The following YWHAG variants were observed in gnomAD, a reference collection of about 807,000 sequenced individuals.
The protein encoded by YWHAG is 14-3-3 protein gamma.
YWHAG carries 1 observed loss-of-function variant against 23.3 expected under a neutral mutation model. The ratio of observed to expected loss-of-function variants is 0.04; its 90% CI spans 0.02 to 0.20. The LOEUF (loss-of-function observed/expected upper bound fraction) is 0.20. Ranked by LOEUF, YWHAG falls within the 10% of genes least tolerant of loss-of-function variation. YWHAG has a pLI of 1.00. For synonymous variants in YWHAG, 160 were observed against 144.0 expected (o/e 1.11, Z -0.80); for missense variants, 151 against 338.6 (o/e 0.45, Z 4.35).
At chr7:76,347,892 T>C (rs1803807478) in intron 1 of YWHAG, among the ~76,000 whole-genome samples, 1 of 152,202 alleles carries the variant, frequency 6.6e-6, no homozygotes, top group African/African-American at 2.4e-5. Flanking sequence ...ACTACAGCAC[T>C]TACCTCATGT....
intron 1 of YWHAG, among the ~76,000 whole-genome samples, chr7:76,336,286 G>C (rs570704155): frequency 6.6e-6 from 1 of 152,250 alleles, no homozygotes; most frequent in South Asian, 2.1e-4. Context: ...GAGCTCTACT[G>C]TAAACTGTGG....
intron 1 of YWHAG, among the ~76,000 whole-genome samples, chr7:76,345,545 A>C (rs1583989934): frequency 6.6e-6 from 1 of 152,188 alleles, no homozygotes; most frequent in African/African-American, 2.4e-5. Context: ...GTGCCAACAA[A>C]AGATGTTTCT....
chr7:76,347,072 G>C (rs1803789471), intron 1 of YWHAG, among the ~76,000 whole-genome samples: 3 of 151,934 alleles, frequency 2.0e-5, no homozygotes, highest in South Asian at 4.2e-4. Flanking sequence ...CACTGCGCAG[G>C]CATCACTTCC....
Position 76,358,931 on chromosome 7 carries a change from G to A in YWHAG, c.-123C>T, listed in dbSNP as rs1235405325. 32 of 926,384 alleles carry A rather than the reference G, an allele frequency of 3.5e-5. No individual in the cohort carries two copies. Among genetic ancestry groups the A allele is most frequent in the Non-Finnish European group, 4.3e-5 (29 of 675,004 alleles). 57.4% of individuals were successfully genotyped at this position (926,384 alleles called of 1,614,324 possible). A position where few individuals can be genotyped will look rare whatever the true frequency, so the allele number is the denominator to read the frequency against. On this transcript the variant is annotated 5_prime_UTR_variant, in exon 1 of 2. Coordinates refer to ENST00000307630, the MANE Select transcript of YWHAG (RefSeq NM_012479.4). Reference sequence around the variant, plus strand: ...GACCCACAGAGCGAGCAGCTGAGGCGGCGGCTGCGCGGAGGAGGCGGCTGG... The same window carrying A: ...GACCCACAGAGCGAGCAGCTGAGGCAGCGGCTGCGCGGAGGAGGCGGCTGG...
At chr7:76,342,605 T>C (rs889839688) in intron 1 of YWHAG, among the ~76,000 whole-genome samples, 1 of 152,286 alleles carries the variant, frequency 6.6e-6, no homozygotes, top group South Asian at 2.1e-4. Flanking sequence ...CCTAGAGTCT[T>C]CTCTAACTTT....
chr7:76,358,576 C>T (rs1804000094), intron 1 of YWHAG, 146 bp downstream of exon 1: 1 of 769,538 alleles, frequency 1.3e-6, no homozygotes, highest in Non-Finnish European at 1.9e-6. Flanking sequence ...CGTCGCCTCT[C>T]GGGACCCTCC....
chr7:76,332,496 C>T (rs532969327), intron 1 of YWHAG, among the ~76,000 whole-genome samples: 1 of 152,202 alleles, frequency 6.6e-6, no homozygotes, highest in East Asian at 1.9e-4. Context: ...AGGTAATATA[C>T]AGGTATATCA....
chr7:76,355,289 AG>A (rs1394882132), intron 1 of YWHAG, among the ~76,000 whole-genome samples: 1 of 152,200 alleles, frequency 6.6e-6, no homozygotes, highest in Non-Finnish European at 1.5e-5. Flanking sequence ...TTAATAAATA[AG>A]GCTTCCCTGA....
chr7:76,334,002 C>T (rs1803581490), intron 1 of YWHAG, among the ~76,000 whole-genome samples: 1 of 152,196 alleles, frequency 6.6e-6, no homozygotes, highest in Non-Finnish European at 1.5e-5. Flanking sequence ...TCCCCAGACA[C>T]ATTGGAACAA....
At chr7:76,347,660 C>G (rs1053091188) in intron 1 of YWHAG, among the ~76,000 whole-genome samples, 1 of 152,054 alleles carries the variant, frequency 6.6e-6, no homozygotes, top group Non-Finnish European at 1.5e-5. Context: ...TAACTAGCAT[C>G]TCTTTTCTTC....
chr7:76,358,827 G>T lies in YWHAG; in HGVS notation c.-19C>A, dbSNP rs1804005456. ...CCACCATCTTCGCGGGGCTGGGTCT[G>T]GCCGGAGAAGGAGGAGGACACTGGG... On this transcript the variant is annotated 5_prime_UTR_variant, in exon 1 of 2. Transcript: ENST00000307630. 3.2e-6 allele frequency: 5 copies of T among 1,583,230 alleles called. No homozygotes were observed. Among genetic ancestry groups the T allele is most frequent in the African/African-American group, 1.4e-5 (1 of 72,134 alleles).
Position 76,345,957 on chromosome 7 carries a change from A to G in YWHAG, c.87+12765T>C, listed in dbSNP as rs57911647. 8.2e-3 allele frequency among the ~76,000 whole-genome samples: 1,251 copies of G among 152,298 alleles called. 17 individuals are homozygous for G. Among genetic ancestry groups the G allele is most frequent in the African/African-American group, 0.029 (1,201 of 41,562 alleles). ...CTCCGCCTCAAAAAAAAATTTAAAA[A>G]TAAGTAAGTAAATAAATAAAATAAA... is the stretch of plus-strand genomic sequence containing the variant. On this transcript the variant is annotated intron_variant, in intron 1 of 1. Coordinates refer to ENST00000307630, the MANE Select transcript of YWHAG (RefSeq NM_012479.4).
intron 1 of YWHAG, among the ~76,000 whole-genome samples, chr7:76,349,042 T>TA (rs971404867): frequency 5.3e-4 from 80 of 151,904 alleles, no homozygotes; most frequent in African/African-American, 1.8e-3. Context: ...GTGTGTAATT[T>TA]AAAAAATCTC....
chr7:76,333,549 G>T (rs1803574475), intron 1 of YWHAG, among the ~76,000 whole-genome samples: 1 of 152,202 alleles, frequency 6.6e-6, no homozygotes, highest in South Asian at 2.1e-4. Context: ...TGTATCGAGT[G>T]TCTCTTCTCC....
intron 1 of YWHAG, among the ~76,000 whole-genome samples, chr7:76,352,675 A>T (rs1362982336): frequency 1.3e-5 from 2 of 151,170 alleles, no homozygotes; most frequent in African/African-American, 4.9e-5. Context: ...TTAGAGACAG[A>T]GTCTCACACT....
At position 76,358,949 on chromosome 7, in the gene YWHAG, G is replaced by A. The variant is rs980292774; in HGVS notation, c.-141C>T. On this transcript the variant is annotated 5_prime_UTR_variant, in exon 1 of 2. Transcript: ENST00000307630. ...CTGAGGCGGCGGCTGCGCGGAGGAG[G>A]CGGCTGGAGCTGCGACCGCGGGACC... 141 of 727,128 alleles carry A rather than the reference G, an allele frequency of 1.9e-4. No individual in the cohort carries two copies. The African/African-American group carries it at 2.3e-3, about 12-fold the overall frequency. The allele number at this position is 727,128 out of a possible 1,614,324, so 45.0% of individuals were successfully genotyped here. A position where few individuals can be genotyped will look rare whatever the true frequency, so the allele number is the denominator to read the frequency against.
intron 1 of YWHAG, among the ~76,000 whole-genome samples, chr7:76,348,722 TAG>T (rs1803824966): frequency 6.6e-6 from 1 of 151,540 alleles, no homozygotes; most frequent in South Asian, 2.1e-4. Flanking sequence ...GTATTTTCTG[TAG>T]AGACAGGGCT....
At chr7:76,342,844 A>C (rs1803718136) in intron 1 of YWHAG, among the ~76,000 whole-genome samples, 1 of 152,138 alleles carries the variant, frequency 6.6e-6, no homozygotes, top group South Asian at 2.1e-4. Flanking sequence ...AACTGTTAAA[A>C]AAAATTAACC....
At chr7:76,340,269 T>TACAA (rs1803673069) in intron 1 of YWHAG, among the ~76,000 whole-genome samples, 1 of 152,240 alleles carries the variant, frequency 6.6e-6, no homozygotes, top group Non-Finnish European at 1.5e-5. Flanking sequence ...AAATATAACC[T>TACAA]ATGGTTTCCA....
Sources: gnomAD v4.1 joint callset for allele counts (sites outside exome capture counted in the v4.1 genomes callset) on GRCh38, gnomAD v4.1.1 for gene constraint, MANE v1.5 for transcripts, NCBI Gene and HGNC (gene_info 2026-07-23, HGNC 2026-07-21) for gene names.